IRAK3: variants seen among roughly 807,000 people sequenced by gnomAD.
IRAK3 encodes the protein interleukin 1 receptor associated kinase 3, also known as interleukin-1 receptor-associated kinase 3.
In IRAK3, 57 loss-of-function variants were observed where a neutral mutation model predicts 56.6. That is an observed-to-expected ratio of 1.01 (90% confidence interval 0.81 to 1.26). The LOEUF (loss-of-function observed/expected upper bound fraction) is 1.26, where lower values mean the gene tolerates loss of function less well. Among genes scored for constraint, IRAK3 ranks in the 50% most tolerant of loss-of-function variants. IRAK3 has a pLI of 0.00. For synonymous variants in IRAK3, 258 were observed against 255.7 expected, an observed-to-expected ratio of 1.01 and a Z score of -0.09; for missense variants, 703 against 719.0, an observed-to-expected ratio of 0.98 and a Z score of 0.25.
chr12:66,254,553 T>G lies in IRAK3; in HGVS notation c.*6382T>G, dbSNP rs932168501. The G allele has an allele frequency of 3.6e-4, 54 of 152,086 alleles. No individual in the cohort carries two copies. Among genetic ancestry groups the G allele is most frequent in the African/African-American group, 1.2e-3 (51 of 41,448 alleles). 9.4% of individuals were successfully genotyped at this position (152,086 alleles called of 1,614,324 possible). A position where few individuals can be genotyped will look rare whatever the true frequency, so the allele number is the denominator to read the frequency against. ...TCTTTACATTCTTCAGACTCATGTG[T>G]GTTTGAAACTTTTTATAATGAACAT... On this transcript the variant is annotated 3_prime_UTR_variant, in exon 12 of 12. Coordinates refer to ENST00000261233, the MANE Select transcript of IRAK3 (RefSeq NM_007199.3).
intron 2 of IRAK3, among the ~76,000 whole-genome samples, chr12:66,208,971 G>A (rs1419134415): frequency 1.3e-5 from 2 of 151,120 alleles, no homozygotes; most frequent in Admixed American, 1.3e-4. Context: ...GGAGGCTGAG[G>A]CAGGAGAATC....
chr12:66,203,380 T>C (rs1050538292), intron 1 of IRAK3, among the ~76,000 whole-genome samples: 3 of 152,036 alleles, frequency 2.0e-5, no homozygotes, highest in Non-Finnish European at 4.4e-5. Flanking sequence ...CCATCATAGA[T>C]TGGAGGAGAT....
chr12:66,215,511 G>C (rs914861560), intron 5 of IRAK3, among the ~76,000 whole-genome samples: 10 of 152,116 alleles, frequency 6.6e-5, no homozygotes, highest in Admixed American at 1.3e-4. Flanking sequence ...TTTTTGAAGA[G>C]CTCTTATTTG....
intron 6 of IRAK3, among the ~76,000 whole-genome samples, chr12:66,221,811 C>CT (rs2052736784): frequency 6.6e-6 from 1 of 152,214 alleles, no homozygotes; most frequent in South Asian, 2.1e-4. Context: ...GGTGGGTCAC[C>CT]TGAGGTCAGG....
chr12:66,226,774 G>C lies in IRAK3; in HGVS notation c.705G>C (p.Glu235Asp). The change falls in exon 7 of 12, where the codon GAG (glutamate) becomes GAC (aspartate). Residue 235 changes from glutamate to aspartate, a missense_variant. By Grantham distance (45) the Glu-to-Asp change is conservative. Coordinates refer to ENST00000261233, the MANE Select transcript of IRAK3 (RefSeq NM_007199.3). ...TGGCTGCATATTTTACAGAGACTGA[G>C]AAGTTCTGTCTGATTTATCCATACA... Reference protein sequence around the residue: ...LELAAYFTETEKFCLIYPYMR... With the variant: ...LELAAYFTETDKFCLIYPYMR... The C allele has an allele frequency of 6.2e-7, 1 of 1,611,908 alleles. No homozygotes were observed. Among genetic ancestry groups the C allele is most frequent in the South Asian group, 1.1e-5 (1 of 91,056 alleles).
chr12:66,201,887 C>T, intron 1 of IRAK3, among the ~76,000 whole-genome samples: 1 of 152,152 alleles, frequency 6.6e-6, no homozygotes, highest in East Asian at 1.9e-4. Flanking sequence ...GAATAATAAC[C>T]ACACTGAAGG....
chr12:66,206,617 T>A (rs2136921418), intron 2 of IRAK3, among the ~76,000 whole-genome samples: 1 of 152,358 alleles, frequency 6.6e-6, no homozygotes, highest in South Asian at 2.1e-4. Context: ...TGGATTCAGT[T>A]TGCCAGTATT....
intron 5 of IRAK3, among the ~76,000 whole-genome samples, chr12:66,215,788 A>ACGTGCACATGCGCGCGCGCG (rs375264640): frequency 2.3e-5 from 3 of 131,612 alleles, no homozygotes; most frequent in African/African-American, 5.6e-5. Flanking sequence ...CCCAACATGC[A>ACGTGCACATGCGCGCGCGCG]CACACACACA....
chr12:66,225,977 T>A (rs2052781437), intron 6 of IRAK3, among the ~76,000 whole-genome samples: 1 of 152,188 alleles, frequency 6.6e-6, no homozygotes, highest in Non-Finnish European at 1.5e-5. Context: ...ATTCTTATGT[T>A]TTGGTGACTT....
intron 1 of IRAK3, among the ~76,000 whole-genome samples, chr12:66,192,579 C>T (rs1392035765): frequency 1.3e-5 from 2 of 152,028 alleles, no homozygotes; most frequent in African/African-American, 4.8e-5. Flanking sequence ...ATATAATAGG[C>T]TGTATTCAAT....
Position 66,247,747 on chromosome 12 carries a change from C to T in IRAK3, c.1367C>T (p.Pro456Leu), listed in dbSNP as rs1050541614. The change falls in exon 12 of 12, where the codon CCT becomes CTT. Residue 456 changes from proline (P) to leucine (L), a missense_variant. Transcript: ENST00000261233. ...GCCAGCTTGTATTTTGCTGAAGATC[C>T]TCCCACATCACTAAAGTCCTTCAGG... ...TQASLYFAED[P>L]PTSLKSFRCP... 10 of 1,614,012 alleles carry T rather than the reference C, an allele frequency of 6.2e-6. No individual in the cohort carries two copies. Among genetic ancestry groups the T allele is most frequent in the Non-Finnish European group, 5.9e-6 (7 of 1,179,990 alleles).
intron 1 of IRAK3, among the ~76,000 whole-genome samples, chr12:66,194,545 CT>C (rs1480467380): frequency 6.6e-6 from 1 of 152,112 alleles, no homozygotes; most frequent in African/African-American, 2.4e-5. Flanking sequence ...TTACATGCCC[CT>C]GCCGGACGCG....
chr12:66,215,892 C>G (rs1183926772), intron 5 of IRAK3, among the ~76,000 whole-genome samples: 4 of 151,100 alleles, frequency 2.6e-5, no homozygotes, highest in Non-Finnish European at 4.4e-5. Flanking sequence ...TAAAGAAATG[C>G]AGTTTTGTAA....
chr12:66,223,575 C>T (rs1177711003), intron 6 of IRAK3, among the ~76,000 whole-genome samples: 2 of 149,202 alleles, frequency 1.3e-5, no homozygotes, highest in Admixed American at 1.3e-4. Flanking sequence ...TAGAGAATGG[C>T]GTGAACCCAG....
chr12:66,249,171 T>TC lies in IRAK3; in HGVS notation c.*1000_*1001insC, dbSNP rs1491218739. The TC allele has an allele frequency of 7.7e-6, 1 of 129,906 alleles. No homozygotes were observed. Among genetic ancestry groups the TC allele is most frequent in the Non-Finnish European group, 1.6e-5 (1 of 62,030 alleles). The allele number at this position is 129,906 out of a possible 1,614,324, so 8.0% of individuals were successfully genotyped here. The stretch of plus-strand genomic sequence containing the variant: ...ATATCAAAGCTGCTTGTCTTATCTC[T>TC]TTTTTTTTTTGAGACGGAGTCTCGC... On this transcript the variant is annotated 3_prime_UTR_variant, in exon 12 of 12. Transcript: ENST00000261233.
At chr12:66,203,641 G>A in intron 1 of IRAK3, 70 bp from the exon 2 acceptor site, 1 of 1,331,470 alleles carries the variant, frequency 7.5e-7, no homozygotes, top group Non-Finnish European at 1.1e-6. Flanking sequence ...TAAAACATTA[G>A]GTACACAAAA....
At chr12:66,242,657 A>G (rs533399422) in intron 8 of IRAK3, among the ~76,000 whole-genome samples, 1 of 152,356 alleles carries the variant, frequency 6.6e-6, no homozygotes, top group South Asian at 2.1e-4. Flanking sequence ...ATAAATGCTA[A>G]GAGCACACAG....
At chr12:66,203,997 T>C (rs1184141195) in intron 2 of IRAK3, 104 bp downstream of exon 2, 2 of 1,052,804 alleles carry the variant, frequency 1.9e-6, no homozygotes, top group Non-Finnish European at 2.9e-6. Context: ...ATGCTCTGTG[T>C]CAGTGTTTCC....
intron 1 of IRAK3, among the ~76,000 whole-genome samples, chr12:66,200,597 C>G (rs1185412100): frequency 6.6e-6 from 1 of 152,152 alleles, no homozygotes; most frequent in Admixed American, 6.5e-5. Context: ...TGAACACTTT[C>G]AATTTTCAGG....
Sources: gnomAD v4.1 joint callset for allele counts (sites outside exome capture counted in the v4.1 genomes callset) on GRCh38, gnomAD v4.1.1 for gene constraint, MANE v1.5 for transcripts, NCBI Gene and HGNC (gene_info 2026-07-23, HGNC 2026-07-21) for gene names.